SAMD5: variants seen among roughly 807,000 people sequenced by gnomAD.
The protein encoded by SAMD5 is sterile alpha motif domain containing 5, also known as sterile alpha motif domain-containing protein 5.
Under a neutral mutation model 11.3 loss-of-function variants are expected in SAMD5, and 13 were observed. That is an observed-to-expected ratio of 1.15 (90% CI 0.75 to 1.83). The LOEUF (loss-of-function observed/expected upper bound fraction) is 1.83. Ranked by LOEUF, SAMD5 falls within the 40% of genes most tolerant of loss-of-function variation. The pLI, the probability that SAMD5 is intolerant of heterozygous loss-of-function variation, is 0.00. For missense variants in SAMD5, 255 were observed against 239.1 expected (o/e 1.07, Z -0.44); for synonymous variants, 129 against 111.3 (o/e 1.16, Z -1.00).
At chr6:147,594,314 C>T (rs1789498194) in intron 1 of SAMD5, among the ~76,000 whole-genome samples, 1 of 152,134 alleles carries the variant, frequency 6.6e-6, no homozygotes, top group South Asian at 2.1e-4. Flanking sequence ...TAGGTAAGAG[C>T]AGAACGTGGA....
intron 1 of SAMD5, among the ~76,000 whole-genome samples, chr6:147,643,873 G>A (rs567584195): frequency 4.0e-4 from 61 of 152,044 alleles, no homozygotes; most frequent in Admixed American, 8.5e-4. Flanking sequence ...AAGGAAGGGA[G>A]GCAGGAAAGA....
intron 1 of SAMD5, among the ~76,000 whole-genome samples, chr6:147,549,929 C>T (rs1200371192): frequency 6.6e-6 from 1 of 151,166 alleles, no homozygotes; most frequent in Non-Finnish European, 1.5e-5. Flanking sequence ...CATTAATCCT[C>T]TATCAACCGG....
chr6:147,690,640 C>G (rs1365063761), intron 1 of SAMD5, among the ~76,000 whole-genome samples: 1 of 152,116 alleles, frequency 6.6e-6, no homozygotes, highest in Admixed American at 6.6e-5. Context: ...CAGAGTGAGA[C>G]TGTCTCAAAA....
At chr6:147,917,512 G>T in the SAMD5 span, among the ~76,000 whole-genome samples, 3 of 152,056 alleles carry the variant, frequency 2.0e-5, no homozygotes, top group African/African-American at 7.2e-5. Flanking sequence ...TAGGTTGCCT[G>T]TTCACTCTGA....
At chr6:147,738,112 G>T (rs1157106164), downstream of SAMD5, among the ~76,000 whole-genome samples, 1 of 152,184 alleles carries the variant, frequency 6.6e-6, no homozygotes, top group Non-Finnish European at 1.5e-5. Flanking sequence ...GCAGATGGGA[G>T]ATGGCCGGGC....
the SAMD5 span, among the ~76,000 whole-genome samples, chr6:147,942,486 C>T: frequency 6.6e-6 from 1 of 152,178 alleles, no homozygotes; most frequent in African/African-American, 2.4e-5. Flanking sequence ...TTCTCAGTAA[C>T]CTTTTCACAA....
chr6:147,543,809 G>T (rs902682170), intron 1 of SAMD5, among the ~76,000 whole-genome samples: 1 of 152,172 alleles, frequency 6.6e-6, no homozygotes, highest in South Asian at 2.1e-4. Flanking sequence ...AGGATGAGGT[G>T]ATCTGGGCTT....
intron 1 of SAMD5, among the ~76,000 whole-genome samples, chr6:147,688,950 G>T (rs1791059905): frequency 6.6e-6 from 1 of 152,232 alleles, no homozygotes; most frequent in South Asian, 2.1e-4. Flanking sequence ...AAGCTCTCTT[G>T]TTTAAGATGT....
At chr6:147,814,470 C>T in the SAMD5 span, among the ~76,000 whole-genome samples, 15 of 152,094 alleles carry the variant, frequency 9.9e-5, no homozygotes, top group Non-Finnish European at 2.2e-4. Context: ...GACTTAACAT[C>T]TGTTGTAAAG....
At chr6:147,893,560 G>A in the SAMD5 span, among the ~76,000 whole-genome samples, 8 of 152,098 alleles carry the variant, frequency 5.3e-5, no homozygotes, top group Non-Finnish European at 7.4e-5. Context: ...ATCTTCCTTC[G>A]CTGAATAAAC....
the SAMD5 span, among the ~76,000 whole-genome samples, chr6:147,875,285 T>C: frequency 6.6e-6 from 1 of 152,192 alleles, no homozygotes; most frequent in Non-Finnish European, 1.5e-5. Context: ...CCAGTTTTAC[T>C]GAACCCAGCA....
intron 1 of SAMD5, among the ~76,000 whole-genome samples, chr6:147,513,571 C>T (rs1788121609): frequency 6.6e-6 from 1 of 152,170 alleles, no homozygotes; most frequent in African/African-American, 2.4e-5. Context: ...GCTGTGACTA[C>T]AGATGAGCAG....
Position 147,566,325 on chromosome 6 carries a change from T to C in SAMD5, c.*1869T>C, listed in dbSNP as rs144427760. 41 of 980,280 alleles carry C rather than the reference T, an allele frequency of 4.2e-5. 1 individual carries two copies. In the East Asian group the frequency reaches 4.2e-3, roughly 101 times the overall value. 60.7% of individuals were successfully genotyped at this position (980,280 alleles called of 1,614,324 possible). The stretch of plus-strand genomic sequence containing the variant: ...CCAAATGAACTAGGGTCTTTAAAAT[T>C]CCTAAGTAGATTCTTTTGAGTGGTA... On this transcript the variant is annotated 3_prime_UTR_variant, in exon 2 of 2. Transcript: ENST00000367474.
intron 1 of SAMD5, among the ~76,000 whole-genome samples, chr6:147,551,821 T>TATATATATAC (rs1422742524): frequency 1.5e-5 from 1 of 66,800 alleles, no homozygotes; most frequent in African/African-American, 5.6e-5. Context: ...GTTATATATA[T>TATATATATAC]ATATATATAT....
At chr6:147,918,376 G>A in the SAMD5 span, among the ~76,000 whole-genome samples, 1 of 152,110 alleles carries the variant, frequency 6.6e-6, no homozygotes, top group African/African-American at 2.4e-5. Context: ...TCTGTTATTG[G>A]TGTATAAGAA....
At chr6:147,639,046 A>G (rs1790272778) in intron 1 of SAMD5, among the ~76,000 whole-genome samples, 1 of 152,210 alleles carries the variant, frequency 6.6e-6, no homozygotes, top group Non-Finnish European at 1.5e-5. Flanking sequence ...GCATTGTGCT[A>G]TCTATTGTGA....
chr6:147,845,193 A>G, the SAMD5 span, among the ~76,000 whole-genome samples: 2 of 151,672 alleles, frequency 1.3e-5, no homozygotes, highest in African/African-American at 2.4e-5. Context: ...GGAGCAATTG[A>G]CATTCATCCT....
the SAMD5 span, among the ~76,000 whole-genome samples, chr6:147,909,609 T>C: frequency 6.4e-4 from 44 of 69,058 alleles, no homozygotes; most frequent in African/African-American, 3.7e-3. Flanking sequence ...TCTTTCTTTC[T>C]TTCTTTCTTT....
intron 1 of SAMD5, among the ~76,000 whole-genome samples, chr6:147,627,886 C>A (rs1417082075): frequency 6.6e-6 from 1 of 152,160 alleles, no homozygotes; most frequent in Non-Finnish European, 1.5e-5. Context: ...TGTTTTACTT[C>A]TTCTTTGAAC....
Sources: allele counts gnomAD v4.1 joint callset (sites outside exome capture counted in the v4.1 genomes callset), GRCh38; gene constraint gnomAD v4.1.1; transcripts MANE v1.5; gene names NCBI Gene and HGNC (gene_info 2026-07-23, HGNC 2026-07-21).